VGLL4: variants seen among roughly 807,000 people sequenced by gnomAD.
The protein encoded by VGLL4 is transcription cofactor vestigial-like protein 4.
In VGLL4, 7 loss-of-function variants were observed where a neutral mutation model predicts 21.0. The observed-to-expected ratio is 0.33, with a 90% confidence interval of 0.19 to 0.63. VGLL4 has a LOEUF of 0.63. VGLL4 is among the 20% of genes least tolerant of loss of function. The pLI is 0.78. For missense variants in VGLL4, 394 were observed against 425.7 expected (o/e 0.93, Z 0.66); for synonymous variants, 222 against 173.2 (o/e 1.28, Z -2.21).
chr3:11,693,383 T>C (rs900510205), intron 2 of VGLL4, among the ~76,000 whole-genome samples: 4 of 152,082 alleles, frequency 2.6e-5, no homozygotes, highest in African/African-American at 9.7e-5. Context: ...GCCCACCATA[T>C]GCACCAAATG....
At chr3:11,663,784 G>T (rs17035051) in intron 2 of VGLL4, among the ~76,000 whole-genome samples, 3,018 of 152,272 alleles carry the variant, frequency 0.02, 93 homozygotes, top group African/African-American at 0.065. Context: ...GGTTTGGACG[G>T]TTCTGTTATT....
chr3:11,675,946 C>T (rs1334519687), intron 2 of VGLL4, among the ~76,000 whole-genome samples: 1 of 152,188 alleles, frequency 6.6e-6, no homozygotes, highest in African/African-American at 2.4e-5. Context: ...TAAAGATATA[C>T]ATTGCCTTCA....
intron 2 of VGLL4, among the ~76,000 whole-genome samples, chr3:11,575,056 C>T (rs1341909465): frequency 6.6e-6 from 1 of 152,136 alleles, no homozygotes; most frequent in Non-Finnish European, 1.5e-5. Flanking sequence ...CTTCAACGCT[C>T]GTGCCAACCC....
At chr3:11,676,413 AAAT>A (rs1166202347) in intron 2 of VGLL4, among the ~76,000 whole-genome samples, 78 of 46,928 alleles carry the variant, frequency 1.7e-3, no homozygotes, top group Admixed American at 2.2e-3. Context: ...AAAAAAAATA[AAAT>A]AATAATAATA....
At chr3:11,590,617 C>G (rs1244679346) in intron 2 of VGLL4, among the ~76,000 whole-genome samples, 2 of 151,806 alleles carry the variant, frequency 1.3e-5, no homozygotes, top group Admixed American at 1.3e-4. Context: ...ATTAAGCCCT[C>G]TAATTATGTT....
chr3:11,710,454 A>G (rs1010595798), intron 1 of VGLL4: 2 of 152,230 alleles, frequency 1.3e-5, no homozygotes, highest in African/African-American at 4.8e-5. Flanking sequence ...GTACGAGAAC[A>G]TGGAGCAACT....
intron 1 of VGLL4, among the ~76,000 whole-genome samples, chr3:11,615,177 C>T (rs115665604): frequency 0.013 from 2,021 of 152,268 alleles, 21 homozygotes; most frequent in South Asian, 0.029. Flanking sequence ...ATCTAATATC[C>T]AGTTCACATT....
At chr3:11,591,910 C>G (rs2074507900) in intron 2 of VGLL4, among the ~76,000 whole-genome samples, 1 of 152,230 alleles carries the variant, frequency 6.6e-6, no homozygotes, top group Non-Finnish European at 1.5e-5. Context: ...AACTAAAAAT[C>G]CCGATGTAAC....
intron 2 of VGLL4, among the ~76,000 whole-genome samples, chr3:11,570,220 G>T (rs1006221254): frequency 2.6e-5 from 4 of 151,944 alleles, no homozygotes; most frequent in Non-Finnish European, 5.9e-5. Context: ...GCCGCTCAGG[G>T]TCGTCACACC....
chr3:11,713,162 C>A (rs944840643), intron 1 of VGLL4, among the ~76,000 whole-genome samples: 1 of 152,192 alleles, frequency 6.6e-6, no homozygotes, highest in Non-Finnish European at 1.5e-5. Context: ...CAAGCTCCAA[C>A]GGCTAACTGT....
chr3:11,699,407 T>C (rs1575542629), intron 2 of VGLL4: 1 of 152,200 alleles, frequency 6.6e-6, no homozygotes, highest in African/African-American at 2.4e-5. Context: ...TGGACTTTTT[T>C]CCTCTCATTC....
At chr3:11,571,626 C>T (rs2073780426) in intron 2 of VGLL4, among the ~76,000 whole-genome samples, 1 of 152,122 alleles carries the variant, frequency 6.6e-6, no homozygotes, top group South Asian at 2.1e-4. Flanking sequence ...ATGACAGAGC[C>T]ACTGCACTCC....
intron 2 of VGLL4, among the ~76,000 whole-genome samples, chr3:11,679,187 CAGA>C (rs902133437): frequency 6.6e-6 from 1 of 151,924 alleles, no homozygotes; most frequent in Non-Finnish European, 1.5e-5. Context: ...AGGAGGTGTC[CAGA>C]AGAAGGCATT....
intron 2 of VGLL4, among the ~76,000 whole-genome samples, chr3:11,573,283 GAAAGAAAGA>G (rs2073877961): frequency 7.4e-5 from 1 of 13,504 alleles, no homozygotes; most frequent in African/African-American, 3.4e-4. Flanking sequence ...AAGAAAGAAA[GAAAGAAAGA>G]AAGAAAGAAA....
chr3:11,626,448 G>T (rs1440166966), intron 1 of VGLL4: 1 of 455,122 alleles, frequency 2.2e-6, no homozygotes, highest in Non-Finnish European at 4.4e-6. Context: ...TGGATGGGCA[G>T]GAACTAAGTT....
At chr3:11,652,661 T>C (rs1490402083) in intron 2 of VGLL4, among the ~76,000 whole-genome samples, 1 of 152,224 alleles carries the variant, frequency 6.6e-6, no homozygotes, top group East Asian at 1.9e-4. Context: ...CCTCAAGTGA[T>C]CCGCCCATCT....
In VGLL4 at chr3:11,631,965, T is replaced by C. The variant is rs532038735; in HGVS notation, c.82+11472A>G. Among the ~76,000 whole-genome samples, 310 of 152,308 alleles carry C rather than the reference T, an allele frequency of 2.0e-3. 1 individual carries two copies. The highest frequency in any genetic ancestry group is 7.1e-3 in the African/African-American group (296 of 41,558). On this transcript the variant is annotated intron_variant, in intron 1 of 4. Transcript: ENST00000430365. ...GTGTCTGTCCTATTCAAGGCAGCGT[T>C]AGGTCTGACCACAGTATTTTCAGAA...
chr3:11,660,018 C>T (rs1048555463), intron 2 of VGLL4, among the ~76,000 whole-genome samples: 9 of 151,970 alleles, frequency 5.9e-5, no homozygotes, highest in Admixed American at 2.0e-4. Flanking sequence ...AAGAATTAGC[C>T]GGGCGTGGTG....
At chr3:11,595,777 A>C in intron 2 of VGLL4, among the ~76,000 whole-genome samples, 1 of 151,324 alleles carries the variant, frequency 6.6e-6, no homozygotes, top group Non-Finnish European at 1.5e-5. Flanking sequence ...ATAGGTGGGA[A>C]TTGAACAATG....
Sources: gnomAD v4.1 joint callset for allele counts (sites outside exome capture counted in the v4.1 genomes callset) on GRCh38, gnomAD v4.1.1 for gene constraint, MANE v1.5 for transcripts, NCBI Gene and HGNC (gene_info 2026-07-23, HGNC 2026-07-21) for gene names.